The following MGAT5 variants were observed in gnomAD, a reference collection of about 807,000 sequenced individuals.
The protein encoded by MGAT5 is alpha-1,6-mannosylglycoprotein 6-beta-N-acetylglucosaminyltransferase.
A neutral mutation model predicts 94.3 loss-of-function variants in MGAT5; 30 were observed. That is an observed-to-expected ratio of 0.32 (90% confidence interval 0.24 to 0.43). The LOEUF (loss-of-function observed/expected upper bound fraction) is 0.43, where lower values mean the gene tolerates loss of function less well. Ranked by LOEUF, MGAT5 falls within the 20% of genes least tolerant of loss-of-function variation. The probability of loss-of-function intolerance (pLI) is 1.00; values close to 1 mark genes in which losing one functional copy is unlikely to be tolerated. For missense variants in MGAT5, 691 were observed against 905.5 expected, an observed-to-expected ratio of 0.76 and a Z score of 3.04; for synonymous variants, 310 against 322.9, an observed-to-expected ratio of 0.96 and a Z score of 0.43.
rs1683959245 is a variant in MGAT5, at chr2:134,270,445, G to C, written c.301G>C (p.Glu101Gln). 1 of 1,614,072 alleles carries C rather than the reference G, an allele frequency of 6.2e-7. No individual in the cohort carries two copies. The change falls in exon 2 of 16, where the codon GAG becomes CAG. Residue 101 changes from glutamate to glutamine, a missense_variant. Physicochemically the swap from Glu to Gln is conservative, Grantham distance 29 (BLOSUM62 2). Coordinates refer to ENST00000281923, the MANE Select transcript of MGAT5 (RefSeq NM_002410.5). ...CATTTTGCAGCGCATTGGCAAGTTG[G>C]AGTCGAAGGTGGACAATCTTGTTGT... ...DNILQRIGKLESKVDNLVVNG... is the reference protein window; with the variant it reads ...DNILQRIGKLQSKVDNLVVNG...
chr2:134,182,564 T>C (rs1039024869), intron 1 of MGAT5, among the ~76,000 whole-genome samples: 3 of 152,084 alleles, frequency 2.0e-5, no homozygotes, highest in African/African-American at 7.2e-5. Flanking sequence ...TGCAGCATGA[T>C]TTACAACCAA....
rs555504064 is a variant in MGAT5 at position 134,195,685 on chromosome 2, G to A, written c.-142-58577G>A. ...TGCATTAAGTGAATCTCATTGTAAA[G>A]TTCACCTAGCGCCTTTTTAACGTCT... On this transcript the variant is annotated intron_variant, in intron 1 of 16. Transcript: ENST00000409645. Among the ~76,000 whole-genome samples the A allele has an allele frequency of 4.1e-4, 62 of 152,258 alleles. 1 individual carries two copies. In the South Asian group the frequency reaches 6.4e-3, roughly 16 times the overall value.
At chr2:134,397,714 G>A (rs1209959123) in intron 10 of MGAT5, among the ~76,000 whole-genome samples, 1 of 152,176 alleles carries the variant, frequency 6.6e-6, no homozygotes, top group Non-Finnish European at 1.5e-5. Context: ...AGAGGAGCAG[G>A]GGCAATCTGA....
At chr2:134,361,998 G>A (rs1457779397) in intron 9 of MGAT5, among the ~76,000 whole-genome samples, 1 of 152,132 alleles carries the variant, frequency 6.6e-6, no homozygotes, top group Non-Finnish European at 1.5e-5. Context: ...AAGGAAGAGA[G>A]TACACAGCTT....
At chr2:134,317,647 C>A in intron 3 of MGAT5, 42 bp downstream of exon 3, 2 of 1,316,140 alleles carry the variant, frequency 1.5e-6, no homozygotes, top group Non-Finnish European at 2.1e-6. Context: ...GCACAAACAC[C>A]CCTTCTTTTT....
upstream of MGAT5, among the ~76,000 whole-genome samples, chr2:134,253,584 C>G (rs1404833658): frequency 6.6e-6 from 1 of 152,202 alleles, no homozygotes; most frequent in East Asian, 1.9e-4. Flanking sequence ...TGTGCTACAG[C>G]ATGCAAGTGA....
At chr2:134,443,141 T>G (rs1685578242) in intron 15 of MGAT5, among the ~76,000 whole-genome samples, 1 of 152,004 alleles carries the variant, frequency 6.6e-6, no homozygotes, top group South Asian at 2.1e-4. Flanking sequence ...TCCTGCCTGC[T>G]GCAGGGAAGC....
intron 1 of MGAT5, among the ~76,000 whole-genome samples, chr2:134,129,590 T>C (rs1378983184): frequency 6.6e-6 from 1 of 152,184 alleles, no homozygotes; most frequent in Non-Finnish European, 1.5e-5. Context: ...CTTCTCCCCT[T>C]TGAACATATT....
Position 134,130,725 on chromosome 2 carries a change from G to A in MGAT5, c.-143+10434G>A, listed in dbSNP as rs1017951589. On this transcript the variant is annotated intron_variant, in intron 1 of 16. Transcript: ENST00000409645. ...CCCTGTGTCTAGCTAATCTAGTGGGGACTTGGAGAACTTTTGTGTCTAGCT... is the reference window on the plus strand; with the variant it reads ...CCCTGTGTCTAGCTAATCTAGTGGGAACTTGGAGAACTTTTGTGTCTAGCT... Among the ~76,000 whole-genome samples the A allele has an allele frequency of 4.2e-5, 6 of 143,582 alleles. No homozygotes were observed. In the South Asian group the frequency reaches 1.1e-3, roughly 26 times the overall value. The allele number at this position is 143,582 out of a possible 152,430, so 94.2% of individuals were successfully genotyped here.
In MGAT5 at chr2:134,451,960, G is replaced by C. The variant is rs1350948217; in HGVS notation, c.*3113G>C. 1 of 152,198 alleles carries C rather than the reference G, an allele frequency of 6.6e-6. No homozygotes were observed. The highest frequency in any genetic ancestry group is 2.4e-5 in the African/African-American group (1 of 41,436). 9.4% of individuals were successfully genotyped at this position (152,198 alleles called of 1,614,324 possible). A position where few individuals can be genotyped will look rare whatever the true frequency, so the allele number is the denominator to read the frequency against. On this transcript the variant is annotated 3_prime_UTR_variant, in exon 16 of 16. Transcript: ENST00000281923. ...CAGTTTGCTTTTTTGTGTGTTTGCT[G>C]TGCGTTTGGAGATATTAGTCAGTTT...
chr2:134,176,184 C>A (rs1038960819), intron 1 of MGAT5, among the ~76,000 whole-genome samples: 8 of 151,898 alleles, frequency 5.3e-5, no homozygotes, highest in Admixed American at 5.2e-4. Context: ...GGAGAGCCTC[C>A]TGAGAGTAAA....
intron 1 of MGAT5, among the ~76,000 whole-genome samples, chr2:134,134,642 A>G (rs1165066512): frequency 6.6e-6 from 1 of 152,146 alleles, no homozygotes; most frequent in Non-Finnish European, 1.5e-5. Flanking sequence ...ACCTGGAGAG[A>G]GGACTCTGGT....
intron 10 of MGAT5, among the ~76,000 whole-genome samples, chr2:134,378,470 T>G (rs1474286938): frequency 6.6e-6 from 1 of 152,208 alleles, no homozygotes. Context: ...GCATGGGCTT[T>G]AGAGACAGAC....
chr2:134,319,824 T>C (rs915936871), intron 4 of MGAT5: 8 of 347,268 alleles, frequency 2.3e-5, no homozygotes, highest in Non-Finnish European at 4.5e-5. Context: ...TATGCATGTC[T>C]ATAGCAGTCA....
intron 10 of MGAT5, among the ~76,000 whole-genome samples, chr2:134,373,877 T>A (rs1680983728): frequency 1.3e-5 from 2 of 152,140 alleles, no homozygotes; most frequent in Admixed American, 1.3e-4. Context: ...AGGGTGAAAA[T>A]CCCTGAGGTT....
At chr2:134,257,688 A>T (rs1386679427) in intron 1 of MGAT5, among the ~76,000 whole-genome samples, 1 of 152,128 alleles carries the variant, frequency 6.6e-6, no homozygotes, top group African/African-American at 2.4e-5. Context: ...CTTCCCTTGG[A>T]ATCTGTCAGT....
chr2:134,385,901 A>T (rs180796462), intron 10 of MGAT5, among the ~76,000 whole-genome samples: 1 of 152,302 alleles, frequency 6.6e-6, no homozygotes, highest in East Asian at 1.9e-4. Context: ...TACTTAGGGC[A>T]TATAAAATAA....
chr2:134,292,450 G>T (rs1042564236), intron 2 of MGAT5, among the ~76,000 whole-genome samples: 2 of 152,156 alleles, frequency 1.3e-5, no homozygotes, highest in African/African-American at 4.8e-5. Context: ...ATCCGACAGG[G>T]TGCATTGGGT....
chr2:134,252,996 G>C (rs890930071), upstream of MGAT5: 4 of 152,136 alleles, frequency 2.6e-5, no homozygotes, highest in African/African-American at 9.7e-5. Flanking sequence ...TTACCATATA[G>C]AACTTCTGAG....
Sources: allele counts gnomAD v4.1 joint callset (sites outside exome capture counted in the v4.1 genomes callset), GRCh38; gene constraint gnomAD v4.1.1; transcripts MANE v1.5; gene names NCBI Gene and HGNC (gene_info 2026-07-23, HGNC 2026-07-21).